The following PRR16 variants were observed in gnomAD, a reference collection of about 807,000 sequenced individuals.
PRR16 encodes the protein protein Largen.
Under a neutral mutation model 18.2 loss-of-function variants are expected in PRR16, and 6 were observed. That is an observed-to-expected ratio of 0.33 (90% CI 0.18 to 0.65). The LOEUF (loss-of-function observed/expected upper bound fraction) is 0.65, where lower values mean the gene tolerates loss of function less well. Among genes scored for constraint, PRR16 ranks in the 30% least tolerant of loss-of-function variants. The probability of loss-of-function intolerance (pLI) is 0.74; values close to 1 mark genes in which losing one functional copy is unlikely to be tolerated. For missense variants in PRR16, 412 were observed against 376.6 expected, an observed-to-expected ratio of 1.09 and a Z score of -0.78; for synonymous variants, 151 against 147.8, an observed-to-expected ratio of 1.02 and a Z score of -0.16.
intron 1 of PRR16, among the ~76,000 whole-genome samples, chr5:120,495,804 C>A (rs774906423): frequency 6.6e-6 from 1 of 151,910 alleles, no homozygotes; most frequent in South Asian, 2.1e-4. Flanking sequence ...GCTTTTATAT[C>A]CTTTTCTTGC....
intron 1 of PRR16, among the ~76,000 whole-genome samples, chr5:120,667,791 C>G (rs7724024): frequency 0.016 from 2,365 of 152,146 alleles, 22 homozygotes; most frequent in Middle Eastern, 0.027. Context: ...ATCCTGAGTT[C>G]TAGTTTGATT....
the PRR16 span, among the ~76,000 whole-genome samples, chr5:120,712,857 T>G: frequency 6.6e-6 from 1 of 152,300 alleles, no homozygotes; most frequent in South Asian, 2.1e-4. Flanking sequence ...AAAGGGAACC[T>G]TTGCACACTG....
the PRR16 span, among the ~76,000 whole-genome samples, chr5:120,755,962 C>G: frequency 6.6e-6 from 1 of 152,098 alleles, no homozygotes; most frequent in East Asian, 1.9e-4. Context: ...TAAATACCCT[C>G]TAGTGGTTTC....
chr5:120,761,913 A>G, the PRR16 span, among the ~76,000 whole-genome samples: 1 of 152,032 alleles, frequency 6.6e-6, no homozygotes, highest in African/African-American at 2.4e-5. Flanking sequence ...TTATCATTCT[A>G]TTCTCTACCT....
At chr5:120,741,773 G>C in the PRR16 span, among the ~76,000 whole-genome samples, 1 of 152,124 alleles carries the variant, frequency 6.6e-6, no homozygotes, top group South Asian at 2.1e-4. Flanking sequence ...ACTAATTTTT[G>C]TATTTTTAGT....
intron 1 of PRR16, among the ~76,000 whole-genome samples, chr5:120,638,363 A>T (rs1247315720): frequency 1.3e-5 from 2 of 152,112 alleles, no homozygotes; most frequent in African/African-American, 4.8e-5. Context: ...TTCAAACAGA[A>T]GTATATCTAA....
At chr5:120,574,026 G>A (rs888834989) in intron 1 of PRR16, among the ~76,000 whole-genome samples, 2 of 151,898 alleles carry the variant, frequency 1.3e-5, no homozygotes, top group Non-Finnish European at 2.9e-5. Context: ...TCATGATTTT[G>A]TAGTAGACAA....
intron 1 of PRR16, among the ~76,000 whole-genome samples, chr5:120,677,905 CTTTT>C (rs386404833): frequency 1.1e-5 from 1 of 93,206 alleles, no homozygotes; most frequent in Non-Finnish European, 1.9e-5. Context: ...CTTTTTCTTT[CTTTT>C]TTTTTTTTTT....
chr5:120,659,629 A>T (rs1030358938), intron 1 of PRR16, among the ~76,000 whole-genome samples: 1 of 152,030 alleles, frequency 6.6e-6, no homozygotes, highest in African/African-American at 2.4e-5. Flanking sequence ...TATTGATTTA[A>T]TCCTTTCAAC....
chr5:120,489,741 C>A (rs145470272), intron 1 of PRR16, among the ~76,000 whole-genome samples: 24 of 152,054 alleles, frequency 1.6e-4, no homozygotes, highest in African/African-American at 5.8e-4. Context: ...CAGTTTCTTC[C>A]TAGCCTCGAT....
chr5:120,578,146 T>C (rs1038465046), intron 1 of PRR16, among the ~76,000 whole-genome samples: 2 of 152,104 alleles, frequency 1.3e-5, no homozygotes, highest in African/African-American at 4.8e-5. Flanking sequence ...TTTAAAGCAG[T>C]TTTTCCCCAG....
At chr5:120,600,462 G>A (rs1382742905) in intron 1 of PRR16, among the ~76,000 whole-genome samples, 1 of 151,832 alleles carries the variant, frequency 6.6e-6, no homozygotes, top group Non-Finnish European at 1.5e-5. Flanking sequence ...AAACTGAATA[G>A]AGAATATGAG....
intron 1 of PRR16, among the ~76,000 whole-genome samples, chr5:120,525,670 A>T (rs1751323365): frequency 6.7e-6 from 1 of 149,116 alleles, no homozygotes; most frequent in South Asian, 2.1e-4. Flanking sequence ...TGTCAGGGAC[A>T]TTGTCTTGTG....
At chr5:120,627,806 T>G (rs1361434128) in intron 1 of PRR16, among the ~76,000 whole-genome samples, 3 of 152,086 alleles carry the variant, frequency 2.0e-5, no homozygotes, top group Non-Finnish European at 4.4e-5. Context: ...TTAAAAGCCT[T>G]AGATCTCAGT....
chr5:120,786,660 A>C, the PRR16 span, among the ~76,000 whole-genome samples: 14 of 151,286 alleles, frequency 9.3e-5, no homozygotes, highest in East Asian at 2.5e-3. Flanking sequence ...ATTTTACCAA[A>C]ATGCAAATAA....
intron 1 of PRR16, among the ~76,000 whole-genome samples, chr5:120,483,169 C>G (rs1749678151): frequency 6.6e-6 from 1 of 152,060 alleles, no homozygotes; most frequent in South Asian, 2.1e-4. Flanking sequence ...CTTGTGATAC[C>G]CTATTTCAAC....
intron 1 of PRR16, among the ~76,000 whole-genome samples, chr5:120,685,714 A>G (rs996915219): frequency 3.3e-5 from 5 of 152,188 alleles, no homozygotes; most frequent in Admixed American, 1.3e-4. Context: ...AATAGAATGT[A>G]TATATAAATC....
At chr5:120,649,669 A>G (rs981794633) in intron 1 of PRR16, among the ~76,000 whole-genome samples, 3 of 152,128 alleles carry the variant, frequency 2.0e-5, no homozygotes, top group Non-Finnish European at 2.9e-5. Context: ...AAAATCTACC[A>G]TGTTATTTTC....
intron 1 of PRR16, among the ~76,000 whole-genome samples, chr5:120,564,067 G>T (rs1164288810): frequency 6.6e-6 from 1 of 152,042 alleles, no homozygotes; most frequent in Non-Finnish European, 1.5e-5. Context: ...GCATGGAATA[G>T]GAGCCCTACG....
Sources: allele counts gnomAD v4.1 joint callset (sites outside exome capture counted in the v4.1 genomes callset), GRCh38; gene constraint gnomAD v4.1.1; transcripts MANE v1.5; gene names NCBI Gene and HGNC (gene_info 2026-07-23, HGNC 2026-07-21).